Variants in CREBBP observed in about 807,000 individuals in gnomAD.
The protein encoded by CREBBP is CREB-binding protein.
In CREBBP, 19 loss-of-function variants were observed where a neutral mutation model predicts 265.0. That is an observed-to-expected ratio of 0.07 (90% CI 0.05 to 0.11). CREBBP has a LOEUF of 0.11. CREBBP is among the 10% of genes least tolerant of loss of function. The pLI is 1.00. For synonymous variants in CREBBP, 1,457 were observed against 1,223.7 expected, an observed-to-expected ratio of 1.19 and a Z score of -3.98; for missense variants, 2,525 against 3,219.0, an observed-to-expected ratio of 0.78 and a Z score of 5.22.
chr16:3,748,618 T>C (rs918062026), intron 21 of CREBBP, among the ~76,000 whole-genome samples: 7 of 152,230 alleles, frequency 4.6e-5, no homozygotes, highest in African/African-American at 1.7e-4. Context: ...GGTCTGTTTC[T>C]TGCCTTGGCT....
chr16:3,775,878 C>A (rs889316431), intron 11 of CREBBP, among the ~76,000 whole-genome samples: 1 of 151,940 alleles, frequency 6.6e-6, no homozygotes, highest in East Asian at 1.9e-4. Context: ...CAGCATCCAG[C>A]CACTTTCCCA....
chr16:3,804,845 C>T (rs2053796920), intron 3 of CREBBP, among the ~76,000 whole-genome samples: 1 of 152,158 alleles, frequency 6.6e-6, no homozygotes, highest in African/African-American at 2.4e-5. Flanking sequence ...ATGCTTCCAC[C>T]TAGGAGGTTT....
Position 3,740,545 on chromosome 16 carries a change from C to T in CREBBP, c.3987G>A (p.Leu1329=), listed in dbSNP as rs763949707. 1 of 1,614,176 alleles carries T rather than the reference C, an allele frequency of 6.2e-7. No homozygotes were observed. The highest frequency in any genetic ancestry group is 1.7e-5 in the Admixed American group (1 of 60,032). The part of the protein sequence containing the change: ...RKENKFSAKR[L]QTTRLGNHLE... ...AGTGGTTTCCCAGTCTTGTGGTCTG[C>T]AGCCCTAGGAAGTCCAGAAGGAGCA... is the stretch of plus-strand genomic sequence containing the variant. The change falls in exon 24 of 31, where the codon CTG becomes CTA. Residue 1329 remains leucine, a synonymous_variant. Transcript: ENST00000262367.
At chr16:3,879,133 C>T (rs1046748203) in intron 1 of CREBBP, among the ~76,000 whole-genome samples, 3 of 152,048 alleles carry the variant, frequency 2.0e-5, no homozygotes, top group African/African-American at 4.8e-5. Context: ...TGAAGTTATA[C>T]ATGGAAATGA....
At position 3,728,301 on chromosome 16, in the gene CREBBP, C is replaced by CGAT. The variant is rs1838999025; in HGVS notation, c.6745_6746insATC (p.Gln2248_Arg2249insHis). 1.2e-6 allele frequency: 2 copies of CGAT among 1,611,752 alleles called. No homozygotes were observed. The highest frequency in any genetic ancestry group is 1.7e-6 in the Non-Finnish European group (2 of 1,179,538). On this transcript the variant is annotated inframe_insertion, in exon 31 of 31. Transcript: ENST00000262367. The surrounding 1 kb of genome is among the most constrained non-coding windows in gnomAD (Gnocchi z 8.7). Reference sequence around the variant, plus strand: ...CTGGAGGGGGAGATGCTGCTGCATGCGCTGCTGCTGCTGCATGGCCGGTGG... The same window carrying CGAT: ...CTGGAGGGGGAGATGCTGCTGCATGCGATGCTGCTGCTGCTGCATGGCCGGTGG...
intron 2 of CREBBP, among the ~76,000 whole-genome samples, chr16:3,813,647 T>C (rs576387117): frequency 6.6e-6 from 1 of 152,132 alleles, no homozygotes; most frequent in Non-Finnish European, 1.5e-5. Flanking sequence ...GGACAAAATA[T>C]GACAGAACAC....
chr16:3,728,895 G>A lies in CREBBP; in HGVS notation c.6152C>T (p.Pro2051Leu). 1 of 1,609,878 alleles carries A rather than the reference G, an allele frequency of 6.2e-7. No individual in the cohort carries two copies. The highest frequency in any genetic ancestry group is 8.5e-7 in the Non-Finnish European group (1 of 1,179,578). ...GGGTGGCTGCACGCTGGGCATCCGG[G>A]GCCCAGCCACGGCCGCCTGGGCCTG... is the stretch of plus-strand genomic sequence containing the variant. ...SMQAQAAVAG[P>L]RMPSVQPPRS... Residue 2051 changes from proline (P) to leucine (L), a missense_variant, in exon 31 of 31, where the codon CCC (proline) becomes CTC (leucine). Pro to Leu is a moderately conservative substitution (Grantham distance 98, BLOSUM62 -3). This residue lies in a region of CREBBP where 275 missense variants were observed against 276.5 expected (regional missense o/e 0.99). Transcript: ENST00000262367. The surrounding 1 kb of genome is among the most constrained non-coding windows in gnomAD (Gnocchi z 8.7).
chr16:3,776,700 C>A (rs532341884), intron 11 of CREBBP, among the ~76,000 whole-genome samples: 3 of 152,134 alleles, frequency 2.0e-5, no homozygotes, highest in Non-Finnish European at 2.9e-5. Context: ...TACCACACCC[C>A]CTTCACCATC....
chr16:3,835,721 A>C (rs903557419), intron 2 of CREBBP, among the ~76,000 whole-genome samples: 1 of 151,546 alleles, frequency 6.6e-6, no homozygotes, highest in Non-Finnish European at 1.5e-5. Flanking sequence ...CTGGGACTAC[A>C]GGCGCCTGGC....
chr16:3,731,198 C>T lies in CREBBP; in HGVS notation c.5166G>A (p.Val1722=), dbSNP rs1246399711. 6.2e-7 allele frequency: 1 copy of T among 1,612,404 alleles called. No homozygotes were observed. Among genetic ancestry groups the T allele is most frequent in the Non-Finnish European group, 8.5e-7 (1 of 1,179,066 alleles). ...HHVETRWHCT[V]CEDYDLCINC... ...GGGTGGGGGCAGGGCCTACCTCGCACACAGTGCAGTGCCAGCGCGTCTCCA... is the reference window on the plus strand; with the variant it reads ...GGGTGGGGGCAGGGCCTACCTCGCATACAGTGCAGTGCCAGCGCGTCTCCA... The change falls in exon 30 of 31, where the codon GTG becomes GTA. Residue 1722 remains valine (V), a synonymous_variant. Coordinates refer to ENST00000262367, the MANE Select transcript of CREBBP (RefSeq NM_004380.3). This position sits in a 1 kb window ranked among gnomAD's most constrained non-coding sequence, Gnocchi z 7.7.
chr16:3,744,846 G>T, intron 23 of CREBBP, 48 bp downstream of exon 23: 1 of 1,401,578 alleles, frequency 7.1e-7, no homozygotes, highest in African/African-American at 1.4e-5. Flanking sequence ...ATTTCTACAA[G>T]TTTCTAAAAT....
chr16:3,757,483 T>C (rs1238937609), intron 18 of CREBBP, 107 bp from the exon 19 acceptor site: 10 of 1,042,068 alleles, frequency 9.6e-6, no homozygotes, highest in Admixed American at 2.0e-5. Flanking sequence ...TGTTAGTATA[T>C]TAGACAGTTT....
Position 3,740,216 on chromosome 16 carries a change from G to C in CREBBP, c.4133+183C>G, listed in dbSNP as rs140454761. Reference sequence around the variant, plus strand: ...GGTCTCTCTCTCAAAATAGCTTACTGCACTGTATAGGGTAACTAAAACCCC... The same window carrying C: ...GGTCTCTCTCTCAAAATAGCTTACTCCACTGTATAGGGTAACTAAAACCCC... On this transcript the variant is annotated intron_variant, in intron 24 of 30. Coordinates refer to ENST00000262367, the MANE Select transcript of CREBBP (RefSeq NM_004380.3). 1.0e-3 allele frequency among the ~76,000 whole-genome samples: 152 copies of C among 152,336 alleles called. 1 individual carries two copies. Among genetic ancestry groups the C allele is most frequent in the African/African-American group, 3.5e-3 (145 of 41,576 alleles).
chr16:3,750,763 C>T (rs2052454169), intron 20 of CREBBP, among the ~76,000 whole-genome samples: 1 of 151,924 alleles, frequency 6.6e-6, no homozygotes, highest in South Asian at 2.1e-4. Context: ...AGACTTTAGG[C>T]CAAAAAATGG....
intron 16 of CREBBP, among the ~76,000 whole-genome samples, chr16:3,767,039 C>CT (rs763779038): frequency 6.6e-5 from 10 of 152,212 alleles, no homozygotes; most frequent in Non-Finnish European, 1.5e-4. Context: ...CTTGGACTTT[C>CT]TGAGTCCTGT....
At chr16:3,759,104 G>A (rs571902313) in intron 16 of CREBBP, 132 bp from the exon 17 acceptor site, 65 of 744,102 alleles carry the variant, frequency 8.7e-5, no homozygotes, top group Middle Eastern at 7.2e-4. Flanking sequence ...AGGGGCTCTC[G>A]TCCATCACCG....
chr16:3,771,603 G>T (rs2053010484), intron 13 of CREBBP, among the ~76,000 whole-genome samples: 1 of 151,938 alleles, frequency 6.6e-6, no homozygotes, highest in Non-Finnish European at 1.5e-5. Flanking sequence ...TGGAACGCCT[G>T]AAACTGCGGA....
intron 11 of CREBBP, among the ~76,000 whole-genome samples, chr16:3,776,208 G>A (rs909056428): frequency 1.3e-5 from 2 of 152,104 alleles, no homozygotes; most frequent in Non-Finnish European, 2.9e-5. Flanking sequence ...GTGAGCCACT[G>A]TGCCCAGCCT....
chr16:3,820,732 T>C (rs2054125971), intron 2 of CREBBP, among the ~76,000 whole-genome samples: 1 of 152,146 alleles, frequency 6.6e-6, no homozygotes, highest in Admixed American at 6.5e-5. Context: ...TGACGGCGTG[T>C]GCTTGTAGTC....
Sources: gnomAD v4.1 joint callset for allele counts (sites outside exome capture counted in the v4.1 genomes callset) on GRCh38, gnomAD v4.1.1 for gene constraint, gnomAD v4.1.1 regional missense constraint, Gnocchi (gnomAD v3.1) non-coding constraint, MANE v1.5 for transcripts, NCBI Gene and HGNC (gene_info 2026-07-23, HGNC 2026-07-21) for gene names.